The following NAALADL2 variants were observed in gnomAD, a reference collection of about 807,000 sequenced individuals.
NAALADL2 encodes inactive N-acetylated-alpha-linked acidic dipeptidase-like protein 2.
NAALADL2 carries 76 observed loss-of-function variants against 87.2 expected under a neutral mutation model. The observed-to-expected ratio is 0.87, with a 90% CI of 0.72 to 1.05. The LOEUF (loss-of-function observed/expected upper bound fraction) is 1.05. NAALADL2 is among the 50% of genes least tolerant of loss of function. NAALADL2 has a pLI of 0.00. For synonymous variants in NAALADL2, 354 were observed against 331.0 expected, an observed-to-expected ratio of 1.07 and a Z score of -0.75; for missense variants, 1,089 against 945.8, an observed-to-expected ratio of 1.15 and a Z score of -1.99.
chr3:174,837,824 C>T (rs891711051), intron 3 of NAALADL2, among the ~76,000 whole-genome samples: 1 of 150,954 alleles, frequency 6.6e-6, no homozygotes, highest in Non-Finnish European at 1.5e-5. Context: ...CAAAATACCA[C>T]CAAAAAATTA....
intron 2 of NAALADL2, among the ~76,000 whole-genome samples, chr3:174,614,186 C>T (rs1250481890): frequency 2.0e-5 from 3 of 152,162 alleles, no homozygotes; most frequent in Admixed American, 1.3e-4. Context: ...ATAGCTGCCC[C>T]AGCTAGTATA....
intron 11 of NAALADL2, among the ~76,000 whole-genome samples, chr3:175,715,199 A>G (rs1741069539): frequency 6.6e-6 from 1 of 152,186 alleles, no homozygotes; most frequent in African/African-American, 2.4e-5. Flanking sequence ...CAAGGCCACA[A>G]GGATGTGGAC....
At chr3:175,335,230 T>G (rs1761860344) in intron 5 of NAALADL2, among the ~76,000 whole-genome samples, 2 of 152,162 alleles carry the variant, frequency 1.3e-5, no homozygotes, top group Non-Finnish European at 2.9e-5. Context: ...TGAAATAAAA[T>G]TTAAAAGGCA....
chr3:175,352,638 C>T (rs781705806), intron 5 of NAALADL2, among the ~76,000 whole-genome samples: 36 of 152,218 alleles, frequency 2.4e-4, no homozygotes, highest in African/African-American at 7.7e-4. Flanking sequence ...TTTCAATAAA[C>T]GATGCCTTAA....
At chr3:175,587,179 A>G (rs979812385) in intron 10 of NAALADL2, among the ~76,000 whole-genome samples, 1 of 152,196 alleles carries the variant, frequency 6.6e-6, no homozygotes. Flanking sequence ...TCATTACTCT[A>G]TAGTAAAAGG....
chr3:175,711,805 T>C (rs1423641200), intron 11 of NAALADL2, among the ~76,000 whole-genome samples: 1 of 150,942 alleles, frequency 6.6e-6, no homozygotes, highest in Non-Finnish European at 1.5e-5. Flanking sequence ...TATATACTTA[T>C]TTGTTATCAA....
intron 11 of NAALADL2, among the ~76,000 whole-genome samples, chr3:175,697,529 G>A (rs901075981): frequency 1.3e-5 from 2 of 151,566 alleles, no homozygotes; most frequent in Admixed American, 1.3e-4. Flanking sequence ...CTACTTATGA[G>A]GGTGTATTGT....
chr3:175,795,669 C>T (rs527486292), intron 13 of NAALADL2, among the ~76,000 whole-genome samples: 163 of 151,016 alleles, frequency 1.1e-3, no homozygotes, highest in African/African-American at 3.0e-3. Context: ...GGCAACATAG[C>T]GAGACTCTGT....
At chr3:175,564,556 A>T (rs1322902656) in intron 9 of NAALADL2, among the ~76,000 whole-genome samples, 1 of 152,196 alleles carries the variant, frequency 6.6e-6, no homozygotes, top group African/African-American at 2.4e-5. Context: ...AAGAGAAGCT[A>T]TTTAAGATAA....
At chr3:174,608,236 C>G (rs889472113) in intron 2 of NAALADL2, among the ~76,000 whole-genome samples, 47 of 151,866 alleles carry the variant, frequency 3.1e-4, no homozygotes, top group African/African-American at 1.1e-3. Context: ...AATTGACACC[C>G]TAACATCACA....
intron 5 of NAALADL2, among the ~76,000 whole-genome samples, chr3:175,423,148 G>A (rs1291576391): frequency 1.9e-5 from 2 of 106,122 alleles, no homozygotes; most frequent in Non-Finnish European, 3.8e-5. Flanking sequence ...GAATTCTAAG[G>A]TAAATGTTCT....
chr3:175,748,601 GA>G (rs1746227467), intron 12 of NAALADL2, among the ~76,000 whole-genome samples: 1 of 152,106 alleles, frequency 6.6e-6, no homozygotes, highest in African/African-American at 2.4e-5. Flanking sequence ...TACTATTAAA[GA>G]AAAAGCTTAC....
intron 9 of NAALADL2, among the ~76,000 whole-genome samples, chr3:175,516,439 C>G (rs147937569): frequency 1.6e-3 from 244 of 152,294 alleles, no homozygotes; most frequent in African/African-American, 5.7e-3. Context: ...GCTATGCAAA[C>G]TACTTCGTGA....
rs184117066 is a variant in NAALADL2, at chr3:175,624,907, G to A, written c.1801-2384G>A. Among the ~76,000 whole-genome samples the A allele has an allele frequency of 5.3e-5, 8 of 152,122 alleles. No individual in the cohort carries two copies. The East Asian group carries it at 1.5e-3, about 29-fold the overall frequency. On this transcript the variant is annotated intron_variant, in intron 10 of 13. Coordinates refer to ENST00000454872, the MANE Select transcript of NAALADL2 (RefSeq NM_207015.3). Reference sequence around the variant, plus strand: ...AAATGTTTAGGAAGCACAGACACATGTATGTACACACTGACACACAGAGTT... The same window carrying A: ...AAATGTTTAGGAAGCACAGACACATATATGTACACACTGACACACAGAGTT...
chr3:174,593,770 CACTT>C (rs1261877077), intron 2 of NAALADL2, among the ~76,000 whole-genome samples: 1 of 152,090 alleles, frequency 6.6e-6, no homozygotes, highest in African/African-American at 2.4e-5. Context: ...CCTCACCTGA[CACTT>C]ACTTTTCTGG....
At chr3:175,015,775 G>A (rs987807488) in intron 1 of NAALADL2, among the ~76,000 whole-genome samples, 80 of 152,022 alleles carry the variant, frequency 5.3e-4, no homozygotes, top group African/African-American at 1.8e-3. Flanking sequence ...GCTTGTTCAT[G>A]TTATTGCAAT....
intron 2 of NAALADL2, among the ~76,000 whole-genome samples, chr3:175,149,746 G>A (rs182789957): frequency 8.5e-4 from 130 of 152,174 alleles, no homozygotes; most frequent in African/African-American, 3.1e-3. Flanking sequence ...CCAAAGTGGT[G>A]GCTTGAACCT....
chr3:175,333,378 G>A (rs562743284), intron 5 of NAALADL2, among the ~76,000 whole-genome samples: 1 of 152,252 alleles, frequency 6.6e-6, no homozygotes, highest in African/African-American at 2.4e-5. Context: ...TAGGTGGCTA[G>A]GGAGCATGTG....
chr3:174,684,570 T>A (rs1406151360), intron 2 of NAALADL2, among the ~76,000 whole-genome samples: 3 of 152,144 alleles, frequency 2.0e-5, no homozygotes, highest in Non-Finnish European at 4.4e-5. Flanking sequence ...TTCATGAATT[T>A]TTCCATACTC....
Sources: gnomAD v4.1 joint callset for allele counts (sites outside exome capture counted in the v4.1 genomes callset) on GRCh38, gnomAD v4.1.1 for gene constraint, MANE v1.5 for transcripts, NCBI Gene and HGNC (gene_info 2026-07-23, HGNC 2026-07-21) for gene names.